FGF1: variants seen among roughly 807,000 people sequenced by gnomAD.
FGF1 encodes beta-endothelial cell growth factor.
A neutral mutation model predicts 13.4 loss-of-function variants in FGF1; 9 were observed. The observed-to-expected ratio is 0.67, with a 90% CI of 0.40 to 1.17. The LOEUF (loss-of-function observed/expected upper bound fraction) is 1.17, where lower values mean the gene tolerates loss of function less well. FGF1 is among the 50% of genes most tolerant of loss of function. The pLI is 0.01. For synonymous variants in FGF1, 93 were observed against 79.0 expected, an observed-to-expected ratio of 1.18 and a Z score of -0.94; for missense variants, 156 against 192.7, an observed-to-expected ratio of 0.81 and a Z score of 1.13.
At chr5:142,642,298 C>G (rs1765326324) in intron 1 of FGF1, among the ~76,000 whole-genome samples, 1 of 152,186 alleles carries the variant, frequency 6.6e-6, no homozygotes, top group Admixed American at 6.5e-5. Context: ...CTTTGGTTCC[C>G]TCTTGGCTGT....
At chr5:142,604,736 T>C (rs1393107968) in intron 2 of FGF1, among the ~76,000 whole-genome samples, 1 of 152,202 alleles carries the variant, frequency 6.6e-6, no homozygotes, top group Non-Finnish European at 1.5e-5. Context: ...GAGTGTGTTT[T>C]ATGCAATGTT....
chr5:142,672,816 T>G (rs1280432720), intron 1 of FGF1, among the ~76,000 whole-genome samples: 2 of 152,078 alleles, frequency 1.3e-5, no homozygotes, highest in African/African-American at 2.4e-5. Flanking sequence ...TCTATGCAGT[T>G]TTTAAATTAA....
At chr5:142,598,162 C>G (rs1755700256) in intron 3 of FGF1, among the ~76,000 whole-genome samples, 1 of 152,156 alleles carries the variant, frequency 6.6e-6, no homozygotes, top group Non-Finnish European at 1.5e-5. Context: ...GTTGCCCACT[C>G]CCTTGTAGGG....
intron 1 of FGF1, among the ~76,000 whole-genome samples, chr5:142,655,894 G>A (rs1400334175): frequency 1.3e-5 from 2 of 152,172 alleles, no homozygotes; most frequent in South Asian, 2.1e-4. Context: ...TGTGCTGGCC[G>A]CGCTGGTGAG....
At chr5:142,629,895 A>ATTTTTTT (rs35168859) in intron 1 of FGF1, among the ~76,000 whole-genome samples, 1 of 127,870 alleles carries the variant, frequency 7.8e-6, no homozygotes, top group African/African-American at 2.8e-5. Context: ...ATATATATAT[A>ATTTTTTT]TTTTTTTTTT....
intron 1 of FGF1, among the ~76,000 whole-genome samples, chr5:142,618,921 G>GTTGTT (rs1326099173): frequency 1.8e-5 from 2 of 108,358 alleles, no homozygotes. Context: ...TTATTTTTTA[G>GTTGTT]TTGTTTTGTT....
intron 2 of FGF1, among the ~76,000 whole-genome samples, chr5:142,609,494 A>C (rs1453869387): frequency 6.6e-6 from 1 of 152,228 alleles, no homozygotes; most frequent in African/African-American, 2.4e-5. Context: ...ATCACAGAGC[A>C]GACTTGCCCT....
intron 2 of FGF1, among the ~76,000 whole-genome samples, chr5:142,612,152 G>A (rs556180028): frequency 5.3e-5 from 8 of 152,200 alleles, no homozygotes; most frequent in East Asian, 1.9e-4. Context: ...CCAGGGCTAC[G>A]TTGTGCTGCT....
At chr5:142,643,210 A>G (rs1237836821) in intron 1 of FGF1, among the ~76,000 whole-genome samples, 1 of 152,136 alleles carries the variant, frequency 6.6e-6, no homozygotes, top group Non-Finnish European at 1.5e-5. Flanking sequence ...GGCTAAATCA[A>G]GGTCATAACA....
At chr5:142,650,996 C>G (rs1767129238) in intron 1 of FGF1, among the ~76,000 whole-genome samples, 1 of 152,174 alleles carries the variant, frequency 6.6e-6, no homozygotes, top group African/African-American at 2.4e-5. Flanking sequence ...TCAACACCCA[C>G]TGAGAGCCAA....
At chr5:142,683,100 G>C (rs1346312980) in intron 1 of FGF1, among the ~76,000 whole-genome samples, 1 of 152,192 alleles carries the variant, frequency 6.6e-6, no homozygotes, top group African/African-American at 2.4e-5. Flanking sequence ...CACATGTATA[G>C]ATGTTAGATT....
intron 1 of FGF1, among the ~76,000 whole-genome samples, chr5:142,642,168 A>G (rs1267360538): frequency 6.6e-6 from 1 of 152,254 alleles, no homozygotes; most frequent in East Asian, 1.9e-4. Context: ...AAGCCAGCTG[A>G]CCCTTGGCTT....
chr5:142,655,587 C>A (rs1018708055), intron 1 of FGF1, among the ~76,000 whole-genome samples: 8 of 152,226 alleles, frequency 5.3e-5, no homozygotes, highest in African/African-American at 1.9e-4. Flanking sequence ...ACAAACGTAA[C>A]TGCAATCCCA....
chr5:142,665,658 T>C (rs1367455464), intron 1 of FGF1, among the ~76,000 whole-genome samples: 1 of 152,190 alleles, frequency 6.6e-6, no homozygotes, highest in African/African-American at 2.4e-5. Context: ...CATTGAGTCC[T>C]GTCTACCAAT....
At chr5:142,622,233 C>T (rs1197652769) in intron 1 of FGF1, among the ~76,000 whole-genome samples, 1 of 152,212 alleles carries the variant, frequency 6.6e-6, no homozygotes, top group Admixed American at 6.5e-5. Flanking sequence ...CTTCATTAGT[C>T]TCTGAGACCC....
At chr5:142,636,713 T>A (rs1764311977) in intron 1 of FGF1, among the ~76,000 whole-genome samples, 1 of 150,436 alleles carries the variant, frequency 6.6e-6, no homozygotes, top group South Asian at 2.1e-4. Flanking sequence ...GAAGGGGTAT[T>A]TCTATTACTA....
At chr5:142,625,510 A>C (rs570788331) in intron 1 of FGF1, among the ~76,000 whole-genome samples, 8 of 152,210 alleles carry the variant, frequency 5.3e-5, no homozygotes, top group Non-Finnish European at 1.2e-4. Context: ...CCACTCCAGA[A>C]GGAAAAACAG....
chr5:142,627,438 A>G (rs953570544), intron 1 of FGF1, among the ~76,000 whole-genome samples: 2 of 152,242 alleles, frequency 1.3e-5, no homozygotes, highest in Non-Finnish European at 2.9e-5. Context: ...ACATTAAAAA[A>G]TAAAAAGGAC....
At chr5:142,608,558 A>C (rs1304786924) in intron 2 of FGF1, among the ~76,000 whole-genome samples, 6 of 85,776 alleles carry the variant, frequency 7.0e-5, no homozygotes, top group Non-Finnish European at 1.1e-4. Context: ...ATATATATAT[A>C]TATATATATA....
Sources: allele counts gnomAD v4.1 joint callset (sites outside exome capture counted in the v4.1 genomes callset), GRCh38; gene constraint gnomAD v4.1.1; transcripts MANE v1.5; gene names NCBI Gene and HGNC (gene_info 2026-07-23, HGNC 2026-07-21).